Variants in TTN observed in about 807,000 individuals in gnomAD.
TTN encodes titin.
A neutral mutation model predicts 3,223.0 loss-of-function variants in TTN; 1,525 were observed. That is an observed-to-expected ratio of 0.47 (90% CI 0.45 to 0.49). TTN has a LOEUF of 0.49. TTN is among the 20% of genes least tolerant of loss of function. TTN has a pLI of 0.00. For synonymous variants in TTN, 14,094 were observed against 15,161.0 expected (o/e 0.93, Z 5.17); for missense variants, 40,786 against 43,424.0 (o/e 0.94, Z 5.40).
rs761345673 is a variant in TTN at position 178,535,860 on chromosome 2, A to G, written c.100766-11T>C. On this transcript the variant is annotated splice_polypyrimidine_tract_variant and intron_variant, in intron 357 of 362. Coordinates refer to ENST00000589042, the MANE Select transcript of TTN (RefSeq NM_001267550.2). Reference sequence around the variant, plus strand: ...GTATCTTAGCTGGAACTGTATCAGAAAAAAAAAAAAAAAGAATATAATTTA... The same window carrying G: ...GTATCTTAGCTGGAACTGTATCAGAGAAAAAAAAAAAAAGAATATAATTTA... The G allele has an allele frequency of 9.1e-4, 1,022 of 1,124,018 alleles. No homozygotes were observed. Among genetic ancestry groups the G allele is most frequent in the East Asian group, 3.0e-3 (91 of 30,678 alleles). 69.6% of individuals were successfully genotyped at this position (1,124,018 alleles called of 1,614,324 possible).
At chr2:178,645,410 T>C (rs2061775588) in intron 217 of TTN, among the ~76,000 whole-genome samples, 1 of 151,928 alleles carries the variant, frequency 6.6e-6, no homozygotes, top group African/African-American at 2.4e-5. Flanking sequence ...ATTCATATGC[T>C]TTCCTTTCAT....
chr2:178,562,496 G>A lies in TTN; in HGVS notation c.83636C>T (p.Thr27879Ile). Reference sequence around the variant, plus strand: ...TGGTTTCTCCCACTTAATTGTAGCTGTATTACGGGTCACATCAACAAGAGT... The same window carrying A: ...TGGTTTCTCCCACTTAATTGTAGCTATATTACGGGTCACATCAACAAGAGT... ...RVTLVDVTRN[T>I]ATIKWEKPES... Residue 27879 changes from threonine (T) to isoleucine (I), a missense_variant, in exon 326 of 363, where the codon ACA (threonine) becomes ATA (isoleucine). Thr to Ile is a moderately conservative substitution (Grantham distance 89). Coordinates refer to ENST00000589042, the MANE Select transcript of TTN (RefSeq NM_001267550.2). 3 of 1,612,984 alleles carry A rather than the reference G, an allele frequency of 1.9e-6. No homozygotes were observed. Among genetic ancestry groups the A allele is most frequent in the Non-Finnish European group, 2.5e-6 (3 of 1,179,562 alleles).
Position 178,782,192 on chromosome 2 carries a change from A to G in TTN, c.3380+20T>C, listed in dbSNP as rs771914725. On this transcript the variant is annotated intron_variant, in intron 20 of 362. Transcript: ENST00000589042. ...TATTATACAAGTCACAGAGAACTCT[A>G]TATTCAGCCATCAAAATACCTGTAT... The G allele has an allele frequency of 6.2e-7, 1 of 1,613,524 alleles. No individual in the cohort carries two copies. The highest frequency in any genetic ancestry group is 8.5e-7 in the Non-Finnish European group (1 of 1,179,466).
Position 178,544,216 on chromosome 2 carries a change from G to A in TTN, c.96013C>T (p.Pro32005Ser). ...TGATAAATACCTATTCTTTCCACGG[G>A]CTCAATTTCAGCAATTGATTCGCTG... ...EYSESIAEIE[P>S]VERIEIPDLE... Residue 32005 changes from proline to serine, a missense_variant, in exon 345 of 363, where the codon CCC (proline) becomes TCC (serine). Transcript: ENST00000589042. 6.2e-7 allele frequency: 1 copy of A among 1,612,886 alleles called. No individual in the cohort carries two copies. The highest frequency in any genetic ancestry group is 8.5e-7 in the Non-Finnish European group (1 of 1,179,030).
In TTN at chr2:178,728,525, G is replaced by A. The variant is rs1454652385; in HGVS notation, c.19401C>T (p.Ser6467=). ...FKVENDFGSS[S]CDAYLRVLDQ... is the part of the protein sequence containing the mutation. ...CTAGCACTCTTAAGTAGGCATCACAGCTACTGCTTCCGAAGTCATTTTCCA... is the reference window on the plus strand; with the variant it reads ...CTAGCACTCTTAAGTAGGCATCACAACTACTGCTTCCGAAGTCATTTTCCA... Residue 6467 remains serine (S), a synonymous_variant, in exon 66 of 363, where the codon AGC becomes AGT. Coordinates refer to ENST00000589042, the MANE Select transcript of TTN (RefSeq NM_001267550.2). 6.2e-7 allele frequency: 1 copy of A among 1,611,920 alleles called. No individual in the cohort carries two copies. The highest frequency in any genetic ancestry group is 8.5e-7 in the Non-Finnish European group (1 of 1,178,774).
intron 288 of TTN, among the ~76,000 whole-genome samples, chr2:178,600,080 T>TG (rs2052901511): frequency 6.6e-6 from 1 of 151,944 alleles, no homozygotes; most frequent in African/African-American, 2.4e-5. Context: ...TGTGCTTGCC[T>TG]CACTTTATTT....
intron 170 of TTN, 44 bp from the exon 171 acceptor site, chr2:178,663,754 C>T (rs1449257837): frequency 1.2e-6 from 2 of 1,611,598 alleles, no homozygotes; most frequent in Admixed American, 1.7e-5. Flanking sequence ...TTATGAAGAC[C>T]ACTGGAAAAA....
At position 178,557,252 on chromosome 2, in the gene TTN, C is replaced by T. The variant is rs111345506; in HGVS notation, c.88009+1G>A. Reference sequence around the variant, plus strand: ...CTGCCCTTCCCATGACAAATACGTACCACAAGCATCAATTGCCAAGACTGG... The same window carrying T: ...CTGCCCTTCCCATGACAAATACGTATCACAAGCATCAATTGCCAAGACTGG... On this transcript the variant is annotated splice_donor_variant, in intron 329 of 362. Coordinates refer to ENST00000589042, the MANE Select transcript of TTN (RefSeq NM_001267550.2). LOFTEE classifies it high-confidence loss of function. 1 of 1,613,798 alleles carries T rather than the reference C, an allele frequency of 6.2e-7. No homozygotes were observed. The highest frequency in any genetic ancestry group is 2.2e-5 in the East Asian group (1 of 44,786).
At position 178,572,341 on chromosome 2, in the gene TTN, A is replaced by G. The variant is rs1183974430; in HGVS notation, c.73791T>C (p.Asn24597=). 6.2e-7 allele frequency: 1 copy of G among 1,611,730 alleles called. No homozygotes were observed. Among genetic ancestry groups the G allele is most frequent in the Non-Finnish European group, 8.5e-7 (1 of 1,178,186 alleles). Residue 24597 remains asparagine, a synonymous_variant, in exon 326 of 363, where the codon AAT becomes AAC. Transcript: ENST00000589042. The part of the protein sequence containing the change: ...CSYYFRVLAE[N]EYGIGLPAET... ...CAGCAGGCAGCCCAATGCCATATTCATTTTCTGCGAGAACCCTGAAATAGT... is the reference window on the plus strand; with the variant it reads ...CAGCAGGCAGCCCAATGCCATATTCGTTTTCTGCGAGAACCCTGAAATAGT...
In TTN at chr2:178,567,478, A is replaced by G. The variant is rs886055244; in HGVS notation, c.78654T>C (p.His26218=). 2.5e-6 allele frequency: 4 copies of G among 1,613,016 alleles called. No individual in the cohort carries two copies. The African/African-American group carries it at 5.3e-5, about 22-fold the overall frequency. ...ACTCAATGGTAGGTAGGGGCTTTCC[A>G]TGGACATCAGCCTCAAGTCTGAATG... The part of the protein sequence containing the change: ...GETFRLEADV[H]GKPLPTIEWL... The change falls in exon 326 of 363, where the codon CAT becomes CAC. Residue 26218 remains histidine, a synonymous_variant. Coordinates refer to ENST00000589042, the MANE Select transcript of TTN (RefSeq NM_001267550.2).
chr2:178,586,845 A>G, intron 307 of TTN, 38 bp from the exon 308 acceptor site: 1 of 1,593,774 alleles, frequency 6.3e-7, no homozygotes. Flanking sequence ...TACCTAGGTA[A>G]CCTAATCAAA....
Position 178,639,714 on chromosome 2 carries a change from C to G in TTN, c.40861G>C (p.Val13621Leu), listed in dbSNP as rs760816968. The G allele has an allele frequency of 6.2e-7, 1 of 1,611,620 alleles. No individual in the cohort carries two copies. The highest frequency in any genetic ancestry group is 8.5e-7 in the Non-Finnish European group (1 of 1,178,624). ...PIAAPVTVPVVGKKAEAKAPK... is the reference protein window; with the variant it reads ...PIAAPVTVPVLGKKAEAKAPK... Reference sequence around the variant, plus strand: ...GGATAAATACCTGCTTTCTTTCCAACCACTGGCACTGTTACTGGGGCAGCG... The same window carrying G: ...GGATAAATACCTGCTTTCTTTCCAAGCACTGGCACTGTTACTGGGGCAGCG... The change falls in exon 223 of 363, where the codon GTT becomes CTT. Residue 13621 changes from valine to leucine, a missense_variant. Physicochemically the swap from Val to Leu is conservative, Grantham distance 32. Coordinates refer to ENST00000589042, the MANE Select transcript of TTN (RefSeq NM_001267550.2).
intron 167 of TTN, 47 bp downstream of exon 167, chr2:178,664,607 C>T (rs769393802): frequency 3.7e-6 from 6 of 1,606,402 alleles, no homozygotes; most frequent in Middle Eastern, 1.7e-4. Context: ...AACATTTATA[C>T]AAGAAAAGAC....
intron 112 of TTN, 29 bp from the exon 113 acceptor site, chr2:178,697,197 G>C: frequency 6.7e-7 from 1 of 1,484,948 alleles, no homozygotes; most frequent in Non-Finnish European, 9.0e-7. Context: ...AAAAATGTGT[G>C]TTTATTTTTA....
intron 263 of TTN, 65 bp downstream of exon 263, chr2:178,613,686 A>T (rs750258701): frequency 3.3e-6 from 5 of 1,510,988 alleles, no homozygotes; most frequent in Non-Finnish European, 4.5e-6. Context: ...ATCCCAAGGA[A>T]TACTAAAGAG....
rs556986051 is a variant in TTN, at chr2:178,550,961, G to C, written c.91564+6C>G. 1.2e-6 allele frequency: 2 copies of C among 1,611,062 alleles called. No homozygotes were observed. Among genetic ancestry groups the C allele is most frequent in the South Asian group, 2.2e-5 (2 of 90,876 alleles). ...GTCTCATTGGAAATAAGTTGTAAAT[G>C]CTTACCATTTTCATCTCTTGTCATA... On this transcript the variant is annotated splice_donor_region_variant and intron_variant, in intron 336 of 362. Coordinates refer to ENST00000589042, the MANE Select transcript of TTN (RefSeq NM_001267550.2).
At chr2:178,730,021 T>TCCCCCCCCCCCGGCCCC in intron 62 of TTN, 72 bp downstream of exon 62, 1 of 1,558,130 alleles carries the variant, frequency 6.4e-7, no homozygotes, top group Non-Finnish European at 8.8e-7. Flanking sequence ...GTCTTAAGCG[T>TCCCCCCCCCCCGGCCCC]CCCCCGCCCC....
rs1352381229 is a variant in TTN at position 178,618,726 on chromosome 2, T to A, written c.46824A>T (p.Leu15608Phe). Reference protein sequence around the residue: ...EAEWFKENEPLSTKTIDTTAE... With the variant: ...EAEWFKENEPFSTKTIDTTAE... The stretch of plus-strand genomic sequence containing the variant: ...CCGTAGTATCAATGGTTTTTGTAGA[T>A]AAAGGTTCATTTTCTTTAAACCATT... Residue 15608 changes from leucine to phenylalanine, a missense_variant, in exon 251 of 363, where the codon TTA becomes TTT. By Grantham distance (22) the Leu-to-Phe change is conservative. Coordinates refer to ENST00000589042, the MANE Select transcript of TTN (RefSeq NM_001267550.2). The A allele has an allele frequency of 6.2e-7, 1 of 1,612,002 alleles. No individual in the cohort carries two copies. Among genetic ancestry groups the A allele is most frequent in the East Asian group, 2.2e-5 (1 of 44,596 alleles).
Position 178,582,586 on chromosome 2 carries a change from G to C in TTN, c.65870C>G (p.Pro21957Arg). The C allele has an allele frequency of 6.2e-7, 1 of 1,604,334 alleles. No individual in the cohort carries two copies. The highest frequency in any genetic ancestry group is 8.5e-7 in the Non-Finnish European group (1 of 1,174,256). ...GATTTTAACAGATGCTGGAGGACCC[G>C]GTTTATCTGAAGGAATAAGGAAGAA... Reference protein sequence around the residue: ...ATIKLKVLDKPGPPASVKINK... With the variant: ...ATIKLKVLDKRGPPASVKINK... Residue 21957 changes from proline (P) to arginine (R), a missense_variant, in exon 314 of 363, where the codon CCG becomes CGG. By Grantham distance (103) the Pro-to-Arg change is moderately radical. Transcript: ENST00000589042.
Sources: allele counts gnomAD v4.1 joint callset (sites outside exome capture counted in the v4.1 genomes callset), GRCh38; gene constraint gnomAD v4.1.1; transcripts MANE v1.5; gene names NCBI Gene and HGNC (gene_info 2026-07-23, HGNC 2026-07-21).